RELT: variants seen among roughly 807,000 people sequenced by gnomAD.
RELT encodes RELT TNF receptor.
A neutral mutation model predicts 51.1 loss-of-function variants in RELT; 37 were observed. That is an observed-to-expected ratio of 0.72 (90% CI 0.56 to 0.95). The LOEUF is 0.95. Ranked by LOEUF, RELT falls within the 40% of genes least tolerant of loss-of-function variation. RELT has a pLI of 0.00. For missense variants in RELT, 535 were observed against 572.6 expected (o/e 0.93, Z 0.67); for synonymous variants, 241 against 235.7 (o/e 1.02, Z -0.21).
chr11:73,382,001 A>G (rs542014717), intron 1 of RELT, among the ~76,000 whole-genome samples: 2 of 152,288 alleles, frequency 1.3e-5, no homozygotes, highest in Admixed American at 1.3e-4. Flanking sequence ...CCCATGAGGC[A>G]GGGACTAGCA....
rs1309031911 is a variant in RELT, at chr11:73,388,686, G to C, written c.-25-426G>C. 6.6e-6 allele frequency among the ~76,000 whole-genome samples: 1 copy of C among 152,214 alleles called. No homozygotes were observed. The highest frequency in any genetic ancestry group is 1.5e-5 in the Non-Finnish European group (1 of 68,028). Reference sequence around the variant, plus strand: ...GACCTGTGAGGAGGAGGCGGGGGGAGCCTGAGCCTGGAGCGCTGGGCTGGA... The same window carrying C: ...GACCTGTGAGGAGGAGGCGGGGGGACCCTGAGCCTGGAGCGCTGGGCTGGA... On this transcript the variant is annotated intron_variant, in intron 1 of 10. Coordinates refer to ENST00000064780, the MANE Select transcript of RELT (RefSeq NM_152222.2). The surrounding 1 kb of genome is among the most constrained non-coding windows in gnomAD (Gnocchi z 4.1).
In RELT at chr11:73,393,820, G is replaced by GC; in HGVS notation, c.626-14dup. 1.9e-6 allele frequency: 3 copies of GC among 1,613,154 alleles called. No homozygotes were observed. The highest frequency in any genetic ancestry group is 2.5e-6 in the Non-Finnish European group (3 of 1,179,160). On this transcript the variant is annotated splice_polypyrimidine_tract_variant and intron_variant, in intron 6 of 10. Transcript: ENST00000064780. ...CTTCCCCCTCTTCCCCAGGATCAGGGCCCTTCTCTTCCCCAGGAATCAACC... is the reference window on the plus strand; with the variant it reads ...CTTCCCCCTCTTCCCCAGGATCAGGGCCCCTTCTCTTCCCCAGGAATCAACC...
At position 73,390,491 on chromosome 11, in the gene RELT, G is replaced by T. The variant is rs963357414; in HGVS notation, c.46-60G>T. Reference sequence around the variant, plus strand: ...TTCAGGAAATAGGTGGGGGATAGATGACCCCAGAGACCCCACACCCAGCAC... The same window carrying T: ...TTCAGGAAATAGGTGGGGGATAGATTACCCCAGAGACCCCACACCCAGCAC... On this transcript the variant is annotated intron_variant, in intron 2 of 10. Coordinates refer to ENST00000064780, the MANE Select transcript of RELT (RefSeq NM_152222.2). 57 of 1,467,724 alleles carry T rather than the reference G, an allele frequency of 3.9e-5. No individual in the cohort carries two copies. The South Asian group carries it at 6.1e-4, about 16-fold the overall frequency. The allele number at this position is 1,467,724 out of a possible 1,614,324, so 90.9% of individuals were successfully genotyped here.
rs1866304805 is a variant in RELT at position 73,395,516 on chromosome 11, G to T, written c.*25G>T. 1.3e-6 allele frequency: 1 copy of T among 783,422 alleles called. No homozygotes were observed. The highest frequency in any genetic ancestry group is 1.7e-5 in the African/African-American group (1 of 59,192). The allele number at this position is 783,422 out of a possible 1,614,324, so 48.5% of individuals were successfully genotyped here. ...AGGGGCGGTCTAGTCTAAGGACACT[G>T]CGGCCCTGCCCTGGGAGGTTCCGAA... is the stretch of plus-strand genomic sequence containing the variant. On this transcript the variant is annotated 3_prime_UTR_variant, in exon 11 of 11. Coordinates refer to ENST00000064780, the MANE Select transcript of RELT (RefSeq NM_152222.2).
At position 73,395,246 on chromosome 11, in the gene RELT, T is replaced by C. The variant is rs1362899341; in HGVS notation, c.1206T>C (p.Arg402=). ...CCCTGCTAGGAAGTGGCGGAAGCCG[T>C]ACAAAGTGGCTGAAGCCCCCAGCAG... ...QQALLGSGGS[R]TKWLKPPAEN... The change falls in exon 10 of 11, where the codon CGT becomes CGC. Residue 402 remains arginine, a synonymous_variant. Transcript: ENST00000064780. 1 of 1,613,082 alleles carries C rather than the reference T, an allele frequency of 6.2e-7. No homozygotes were observed. The highest frequency in any genetic ancestry group is 8.5e-7 in the Non-Finnish European group (1 of 1,179,926).
intron 1 of RELT, among the ~76,000 whole-genome samples, chr11:73,386,599 C>T (rs762042333): frequency 4.7e-4 from 71 of 152,264 alleles, no homozygotes; most frequent in Non-Finnish European, 9.3e-4. Context: ...TGAGAAGGTG[C>T]GTAATTAGAA....
At chr11:73,382,154 A>T (rs772901285) in intron 1 of RELT, among the ~76,000 whole-genome samples, 22 of 152,148 alleles carry the variant, frequency 1.4e-4, no homozygotes, top group Admixed American at 2.6e-4. Context: ...CTGCTCCACC[A>T]CTGCACTTGC....
At chr11:73,392,506 G>A in intron 6 of RELT, 38 bp downstream of exon 6, 3 of 1,593,066 alleles carry the variant, frequency 1.9e-6, no homozygotes, top group African/African-American at 1.3e-5. Flanking sequence ...AAGGACGGGG[G>A]CACGAGCCCA....
chr11:73,396,143 C>A lies in RELT; in HGVS notation c.*652C>A, dbSNP rs942052790. On this transcript the variant is annotated 3_prime_UTR_variant, in exon 11 of 11. Coordinates refer to ENST00000064780, the MANE Select transcript of RELT (RefSeq NM_152222.2). Reference sequence around the variant, plus strand: ...GGGAGCTGGGCTCTACCATCCCTCCCATTAGTAGCTTTATCCAGCCCCGTT... The same window carrying A: ...GGGAGCTGGGCTCTACCATCCCTCCAATTAGTAGCTTTATCCAGCCCCGTT... 1 of 152,894 alleles carries A rather than the reference C, an allele frequency of 6.5e-6. No homozygotes were observed. The highest frequency in any genetic ancestry group is 1.5e-5 in the Non-Finnish European group (1 of 68,242). 9.5% of individuals were successfully genotyped at this position (152,894 alleles called of 1,614,324 possible).
intron 1 of RELT, among the ~76,000 whole-genome samples, chr11:73,377,317 AAG>A (rs1865984344): frequency 7.8e-6 from 1 of 128,860 alleles, no homozygotes; most frequent in African/African-American, 4.1e-5. Context: ...GATGATGAGT[AAG>A]AGGCAGGAGG....
intron 2 of RELT, 132 bp downstream of exon 2, chr11:73,389,313 C>G: frequency 8.3e-6 from 5 of 601,282 alleles, no homozygotes. Flanking sequence ...CGTCAAGAAT[C>G]TGAGGCAGCT....
intron 3 of RELT, 33 bp downstream of exon 3, chr11:73,390,658 GGAGGGCCCT>G (rs771699991): frequency 1.2e-6 from 2 of 1,612,682 alleles, no homozygotes; most frequent in Non-Finnish European, 8.5e-7. Flanking sequence ...GCCTGTCCTG[GGAGGGCCCT>G]GAGGGCCAGG....
At chr11:73,392,590 G>A in intron 6 of RELT, 122 bp downstream of exon 6, 1 of 1,426,582 alleles carries the variant, frequency 7.0e-7, no homozygotes, top group Admixed American at 2.1e-5. Flanking sequence ...AGGCTTGGGA[G>A]GTGATAGCTG....
intron 1 of RELT, among the ~76,000 whole-genome samples, chr11:73,382,556 G>C (rs979106109): frequency 6.6e-6 from 1 of 152,204 alleles, no homozygotes; most frequent in South Asian, 2.1e-4. Context: ...GTTGACGGTG[G>C]CCAGAAGCAG....
chr11:73,394,225 G>A lies in RELT; in HGVS notation c.707-11G>A. 1.3e-6 allele frequency: 2 copies of A among 1,595,756 alleles called. No individual in the cohort carries two copies. Among genetic ancestry groups the A allele is most frequent in the Non-Finnish European group, 8.5e-7 (1 of 1,171,500 alleles). ...TGGCCACAGTGAGGGTCTGACTGCA[G>A]CTACCCACAGAGAATGCTGCGGCCC... On this transcript the variant is annotated splice_polypyrimidine_tract_variant and intron_variant, in intron 7 of 10. Coordinates refer to ENST00000064780, the MANE Select transcript of RELT (RefSeq NM_152222.2). The surrounding 1 kb of genome is among the most constrained non-coding windows in gnomAD (Gnocchi z 4.9).
chr11:73,383,729 G>A (rs1866082697), intron 1 of RELT, among the ~76,000 whole-genome samples: 2 of 152,212 alleles, frequency 1.3e-5, no homozygotes, highest in Admixed American at 1.3e-4. Flanking sequence ...TTGCCCAGCT[G>A]TGAAACAGGA....
chr11:73,384,912 C>G (rs1268823589), intron 1 of RELT, among the ~76,000 whole-genome samples: 2 of 152,084 alleles, frequency 1.3e-5, no homozygotes, highest in African/African-American at 4.8e-5. Context: ...TCGAGCTGAG[C>G]TCTAAGGAAG....
rs749540430 is a variant in RELT, at chr11:73,395,075, C to T, written c.1047-12C>T. ...CCCGCTAACGGGGATGATTGCCCCA[C>T]TCTCCTCACAGGTTCCGCGTGGCTC... On this transcript the variant is annotated splice_polypyrimidine_tract_variant and intron_variant, in intron 9 of 10. Transcript: ENST00000064780. 5.6e-6 allele frequency: 9 copies of T among 1,609,282 alleles called. No homozygotes were observed. The highest frequency in any genetic ancestry group is 1.1e-5 in the South Asian group (1 of 91,000).
At chr11:73,386,797 A>G (rs1866130974) in intron 1 of RELT, among the ~76,000 whole-genome samples, 1 of 152,142 alleles carries the variant, frequency 6.6e-6, no homozygotes, top group Non-Finnish European at 1.5e-5. Context: ...GGTGCCACCC[A>G]GGGTTGGGGT....
Sources: gnomAD v4.1 joint callset for allele counts (sites outside exome capture counted in the v4.1 genomes callset) on GRCh38, gnomAD v4.1.1 for gene constraint, Gnocchi (gnomAD v3.1) non-coding constraint, MANE v1.5 for transcripts, NCBI Gene and HGNC (gene_info 2026-07-23, HGNC 2026-07-21) for gene names.